Variants in GATB observed in about 807,000 individuals in gnomAD.
GATB encodes the protein glutamyl-tRNA amidotransferase subunit B.
A neutral mutation model predicts 62.3 loss-of-function variants in GATB; 39 were observed. That is an observed-to-expected ratio of 0.63 (90% CI 0.48 to 0.82). GATB has a LOEUF of 0.82. Among genes scored for constraint, GATB ranks in the 40% least tolerant of loss-of-function variants. The pLI, the probability that GATB is intolerant of heterozygous loss-of-function variation, is 0.00. For missense variants in GATB, 670 were observed against 684.0 expected, an observed-to-expected ratio of 0.98 and a Z score of 0.23; for synonymous variants, 276 against 258.9, an observed-to-expected ratio of 1.07 and a Z score of -0.63.
In GATB at chr4:151,679,818, T is replaced by C. The variant is rs772871311; in HGVS notation, c.1405A>G (p.Lys469Glu). Residue 469 changes from lysine to glutamate, a missense_variant, in exon 11 of 13, where the codon AAA becomes GAA. Lys to Glu is a moderately conservative substitution (Grantham distance 56). Coordinates refer to ENST00000263985, the MANE Select transcript of GATB (RefSeq NM_004564.3). ...DSRTISSSAA[K>E]QVFEELWKRE... ...TGTCGGGAGTGTGGACATACCTGTT[T>C]AGCTGCTGATGAAGAAATTGTTCTG... 2 of 1,613,870 alleles carry C rather than the reference T, an allele frequency of 1.2e-6. No homozygotes were observed. Among genetic ancestry groups the C allele is most frequent in the Non-Finnish European group, 1.7e-6 (2 of 1,179,740 alleles).
chr4:151,731,287 G>GT (rs1430650259), intron 2 of GATB, among the ~76,000 whole-genome samples: 1 of 152,190 alleles, frequency 6.6e-6, no homozygotes, highest in Admixed American at 6.5e-5. Flanking sequence ...ACTGGTTTTC[G>GT]TATTTTTTTG....
intron 9 of GATB, among the ~76,000 whole-genome samples, chr4:151,700,350 A>C (rs1336347708): frequency 6.6e-6 from 1 of 152,236 alleles, no homozygotes; most frequent in Non-Finnish European, 1.5e-5. Flanking sequence ...ACAGCAGCCC[A>C]CAGGAGGCAG....
intron 10 of GATB, among the ~76,000 whole-genome samples, chr4:151,683,510 C>T (rs534279085): frequency 2.6e-5 from 4 of 152,156 alleles, no homozygotes; most frequent in African/African-American, 4.8e-5. Flanking sequence ...GACCCCTAGC[C>T]GTGAGGAGGA....
In GATB at chr4:151,737,751, C is replaced by T. The variant is rs146684576; in HGVS notation, c.328-18213G>A. On this transcript the variant is annotated intron_variant, in intron 2 of 12. Transcript: ENST00000263985. Reference sequence around the variant, plus strand: ...GTGCCCTGCATCCCAGCCACTCCAGCGTGACTAAAAGGGGCAAAGGTACAG... The same window carrying T: ...GTGCCCTGCATCCCAGCCACTCCAGTGTGACTAAAAGGGGCAAAGGTACAG... 1.5e-3 allele frequency among the ~76,000 whole-genome samples: 232 copies of T among 152,270 alleles called. 2 individuals carry two copies. The East Asian group carries it at 0.038, about 25-fold the overall frequency.
At chr4:151,703,724 A>G in intron 8 of GATB, 127 bp downstream of exon 8, 1 of 746,384 alleles carries the variant, frequency 1.3e-6, no homozygotes. Context: ...ATGTCCCATC[A>G]TGTTACAACA....
At chr4:151,752,074 T>C (rs1189108423) in intron 2 of GATB, among the ~76,000 whole-genome samples, 2 of 152,190 alleles carry the variant, frequency 1.3e-5, no homozygotes, top group African/African-American at 4.8e-5. Context: ...GGTACCGAAT[T>C]CTAGGTTAGA....
chr4:151,691,770 A>G (rs1421081675), intron 9 of GATB: 1 of 152,296 alleles, frequency 6.6e-6, no homozygotes. Context: ...GAAGCTGACG[A>G]TAGGCCAGGA....
In GATB at chr4:151,670,981, G is replaced by T; in HGVS notation, c.*193C>A. ...GAAGCAGGCGGGGTGGCTGCTGGTC[G>T]GCTGTGGAGGCACCTCCAGGCACAG... On this transcript the variant is annotated 3_prime_UTR_variant, in exon 13 of 13. Transcript: ENST00000263985. The T allele has an allele frequency of 1.6e-6, 1 of 607,310 alleles. No individual in the cohort carries two copies. The highest frequency in any genetic ancestry group is 2.8e-6 in the Non-Finnish European group (1 of 353,582). 37.6% of individuals were successfully genotyped at this position (607,310 alleles called of 1,614,324 possible).
intron 2 of GATB, among the ~76,000 whole-genome samples, chr4:151,726,245 T>C (rs1049555064): frequency 6.6e-6 from 1 of 152,214 alleles, no homozygotes; most frequent in Non-Finnish European, 1.5e-5. Flanking sequence ...CTCCCTCTGA[T>C]TCATATTCAA....
intron 2 of GATB, among the ~76,000 whole-genome samples, chr4:151,742,268 T>G (rs1739506328): frequency 6.6e-6 from 1 of 151,766 alleles, no homozygotes; most frequent in Non-Finnish European, 1.5e-5. Context: ...TCTTGTATTT[T>G]TAGTAGAGAC....
intron 2 of GATB, among the ~76,000 whole-genome samples, chr4:151,738,032 C>G (rs1739412048): frequency 6.6e-6 from 1 of 152,226 alleles, no homozygotes; most frequent in South Asian, 2.1e-4. Context: ...GACAGAGTCC[C>G]TACTGGGGTA....
At chr4:151,691,233 G>A (rs1358311053) in intron 9 of GATB, among the ~76,000 whole-genome samples, 1 of 152,168 alleles carries the variant, frequency 6.6e-6, no homozygotes, top group South Asian at 2.1e-4. Context: ...GCAAGCATTC[G>A]ACTCAGGATG....
chr4:151,754,875 T>C (rs1219153628), intron 2 of GATB, among the ~76,000 whole-genome samples: 4 of 152,248 alleles, frequency 2.6e-5, no homozygotes, highest in Admixed American at 2.6e-4. Flanking sequence ...TTAGTTTTTG[T>C]TGGCAGATCA....
rs112654171 is a variant in GATB, at chr4:151,701,476, G to A, written c.1050C>T (p.Asp350=). The change falls in exon 9 of 13, where the codon GAC becomes GAT. Residue 350 remains aspartate (D), a synonymous_variant. Coordinates refer to ENST00000263985, the MANE Select transcript of GATB (RefSeq NM_004564.3). ...CTGCACCTGCGGGCAGAGATGTGGC[G>A]TCGTAGAGCACCAGGGGAGGCAGGT... The part of the protein sequence containing the change: ...EPNLPPLVLY[D]ATSLPAGADP... The A allele has an allele frequency of 1.8e-3, 2,835 of 1,589,666 alleles. 29 individuals carry two copies. The African/African-American group carries it at 0.019, about 10-fold the overall frequency.
chr4:151,731,906 G>A (rs1481372419), intron 2 of GATB, among the ~76,000 whole-genome samples: 2 of 151,276 alleles, frequency 1.3e-5, no homozygotes, highest in African/African-American at 2.4e-5. Context: ...CCCCATCCGG[G>A]AGGGAGGTGG....
At chr4:151,685,173 G>A (rs1738219204) in intron 10 of GATB, among the ~76,000 whole-genome samples, 1 of 152,180 alleles carries the variant, frequency 6.6e-6, no homozygotes, top group African/African-American at 2.4e-5. Flanking sequence ...ATTTCCTCCA[G>A]AAGCGCAAAC....
intron 2 of GATB, among the ~76,000 whole-genome samples, chr4:151,736,890 C>G (rs912754822): frequency 1.3e-5 from 2 of 152,184 alleles, no homozygotes; most frequent in Non-Finnish European, 2.9e-5. Flanking sequence ...GTGAGGCATG[C>G]CTTTCACCTT....
chr4:151,760,743 T>G, intron 1 of GATB, 64 bp downstream of exon 1: 1 of 1,426,096 alleles, frequency 7.0e-7, no homozygotes, highest in South Asian at 1.6e-5. Flanking sequence ...TAATTGCCAT[T>G]ATTTCCCCAG....
chr4:151,731,456 G>T (rs540497660), intron 2 of GATB, among the ~76,000 whole-genome samples: 1 of 152,138 alleles, frequency 6.6e-6, no homozygotes, highest in African/African-American at 2.4e-5. Context: ...GCGTGATCTC[G>T]GCTAGCTACA....
Sources: allele counts gnomAD v4.1 joint callset (sites outside exome capture counted in the v4.1 genomes callset), GRCh38; gene constraint gnomAD v4.1.1; transcripts MANE v1.5; gene names NCBI Gene and HGNC (gene_info 2026-07-23, HGNC 2026-07-21).